The following LANCL2 variants were observed in gnomAD, a reference collection of about 807,000 sequenced individuals.
LANCL2 encodes the protein lanC-like protein 2.
In LANCL2, 33 loss-of-function variants were observed where a neutral mutation model predicts 56.9. The ratio of observed to expected loss-of-function variants is 0.58; its 90% CI spans 0.44 to 0.78. The LOEUF is 0.78. LANCL2 is among the 30% of genes least tolerant of loss of function. LANCL2 has a pLI of 0.00. For missense variants in LANCL2, 562 were observed against 580.2 expected (o/e 0.97, Z 0.32); for synonymous variants, 233 against 228.2 (o/e 1.02, Z -0.19).
In LANCL2 at chr7:55,433,555, T is replaced by A. The variant is rs1267; in HGVS notation, c.*2235T>A. The A allele has an allele frequency of 0.63, 95,707 of 152,198 alleles. 30,666 individuals carry two copies. Among genetic ancestry groups the A allele is most frequent in the Admixed American group, 0.7 (10,750 of 15,302 alleles). The allele number at this position is 152,198 out of a possible 1,614,324, so 9.4% of individuals were successfully genotyped here. ...GATAAGTGTTTGAATCAGATTTCAG[T>A]ACATCTCATTCATTTCTTAGATTTG... On this transcript the variant is annotated 3_prime_UTR_variant, in exon 9 of 9. Coordinates refer to ENST00000254770, the MANE Select transcript of LANCL2 (RefSeq NM_018697.4).
At chr7:55,383,961 C>G (rs1790097453) in intron 1 of LANCL2, among the ~76,000 whole-genome samples, 1 of 152,154 alleles carries the variant, frequency 6.6e-6, no homozygotes, top group East Asian at 1.9e-4. Context: ...AGATCTCTTT[C>G]ACTGTCATGA....
At chr7:55,430,093 G>A (rs1202840416) in intron 8 of LANCL2, among the ~76,000 whole-genome samples, 1 of 152,232 alleles carries the variant, frequency 6.6e-6, no homozygotes, top group Non-Finnish European at 1.5e-5. Flanking sequence ...CATCCCCGCA[G>A]GGCCTGCTGT....
chr7:55,381,195 T>A (rs965292001), intron 1 of LANCL2, among the ~76,000 whole-genome samples: 1 of 152,168 alleles, frequency 6.6e-6, no homozygotes, highest in African/African-American at 2.4e-5. Flanking sequence ...CTGTAGGGTA[T>A]GTTATAGTGC....
rs1218193349 is a variant in LANCL2, at chr7:55,398,535, C to T, written c.435C>T (p.Val145=). The T allele has an allele frequency of 2.5e-6, 4 of 1,614,062 alleles. No individual in the cohort carries two copies. Among genetic ancestry groups the T allele is most frequent in the Non-Finnish European group, 3.4e-6 (4 of 1,180,030 alleles). The change falls in exon 3 of 9, where the codon GTC becomes GTT. Residue 145 remains valine (V), a synonymous_variant. Coordinates refer to ENST00000254770, the MANE Select transcript of LANCL2 (RefSeq NM_018697.4). The stretch of plus-strand genomic sequence containing the variant: ...TTCGGAATCTGAATGGCCGCAGGGT[C>T]ACCTTCCTCTGTGGGGATGCTGGCC... ...RTLRNLNGRR[V]TFLCGDAGPL... is the part of the protein sequence containing the mutation.
chr7:55,413,343 A>G (rs539937129), intron 6 of LANCL2, among the ~76,000 whole-genome samples: 1 of 152,322 alleles, frequency 6.6e-6, no homozygotes, highest in Non-Finnish European at 1.5e-5. Context: ...GATACTTTTA[A>G]AACAAATATA....
At chr7:55,367,602 G>A (rs939153747) in intron 1 of LANCL2, among the ~76,000 whole-genome samples, 1 of 152,176 alleles carries the variant, frequency 6.6e-6, no homozygotes, top group Admixed American at 6.5e-5. Context: ...GGTGGTGGAC[G>A]CCTGTTCAGC....
intron 1 of LANCL2, among the ~76,000 whole-genome samples, chr7:55,367,554 G>A (rs1202835883): frequency 2.0e-5 from 3 of 152,190 alleles, no homozygotes; most frequent in Non-Finnish European, 4.4e-5. Context: ...GCAAAACACC[G>A]TCTCTACAAA....
chr7:55,390,268 A>C (rs1790171574), intron 1 of LANCL2, among the ~76,000 whole-genome samples: 1 of 152,186 alleles, frequency 6.6e-6, no homozygotes, highest in African/African-American at 2.4e-5. Flanking sequence ...CCATAGTCAT[A>C]AGGGGAAACC....
At chr7:55,428,500 C>T (rs1790693277) in intron 8 of LANCL2, 53 bp downstream of exon 8, 2 of 1,452,528 alleles carry the variant, frequency 1.4e-6, no homozygotes, top group Non-Finnish European at 1.9e-6. Flanking sequence ...ATTGGTTCTC[C>T]TGCCCTTGTG....
intron 6 of LANCL2, among the ~76,000 whole-genome samples, chr7:55,416,194 A>G (rs1457062352): frequency 6.6e-6 from 1 of 152,140 alleles, no homozygotes; most frequent in Non-Finnish European, 1.5e-5. Flanking sequence ...TTTTATTTGT[A>G]TCTTCCTGAT....
At chr7:55,408,449 T>C (rs1790435503) in intron 5 of LANCL2, among the ~76,000 whole-genome samples, 1 of 151,932 alleles carries the variant, frequency 6.6e-6, no homozygotes, top group Admixed American at 6.6e-5. Flanking sequence ...GGCGGATCAC[T>C]GAGGTCAGGA....
chr7:55,386,827 G>T (rs767253503), intron 1 of LANCL2, among the ~76,000 whole-genome samples: 4 of 152,186 alleles, frequency 2.6e-5, no homozygotes, highest in Non-Finnish European at 5.9e-5. Flanking sequence ...GAGAAGTTAC[G>T]TGGGTTACTG....
At chr7:55,385,521 A>T (rs1378391650) in intron 1 of LANCL2, among the ~76,000 whole-genome samples, 1 of 152,192 alleles carries the variant, frequency 6.6e-6, no homozygotes. Context: ...AGGATCCGTG[A>T]TGCCCCACAA....
At chr7:55,416,043 A>G (rs1790535546) in intron 6 of LANCL2, among the ~76,000 whole-genome samples, 2 of 152,174 alleles carry the variant, frequency 1.3e-5, no homozygotes, top group Admixed American at 1.3e-4. Flanking sequence ...TAGGAGTAGA[A>G]TTACTGGATC....
intron 3 of LANCL2, 31 bp downstream of exon 3, chr7:55,398,661 C>A (rs764761500): frequency 9.9e-6 from 15 of 1,516,164 alleles, no homozygotes; most frequent in Non-Finnish European, 1.4e-5. Context: ...CATTTTCTCC[C>A]AATTCCCAGT....
intron 1 of LANCL2, among the ~76,000 whole-genome samples, chr7:55,387,179 G>T (rs1219723545): frequency 6.6e-6 from 1 of 152,176 alleles, no homozygotes; most frequent in Non-Finnish European, 1.5e-5. Flanking sequence ...GACACAGGAA[G>T]AGTGTGTTTA....
chr7:55,381,014 C>T (rs925502062), intron 1 of LANCL2, among the ~76,000 whole-genome samples: 2 of 151,828 alleles, frequency 1.3e-5, no homozygotes, highest in African/African-American at 2.4e-5. Flanking sequence ...TGGGATTACA[C>T]GCGTGTGCCA....
At chr7:55,373,809 T>C (rs1789972196) in intron 1 of LANCL2, among the ~76,000 whole-genome samples, 1 of 152,256 alleles carries the variant, frequency 6.6e-6, no homozygotes, top group Non-Finnish European at 1.5e-5. Flanking sequence ...CATTCCAGGC[T>C]ACTGTAAGTC....
intron 1 of LANCL2, among the ~76,000 whole-genome samples, chr7:55,379,459 G>T (rs941008473): frequency 1.3e-5 from 2 of 152,186 alleles, no homozygotes; most frequent in African/African-American, 4.8e-5. Context: ...GGAAAATCAA[G>T]TGTCTCTTCT....
Sources: allele counts gnomAD v4.1 joint callset (sites outside exome capture counted in the v4.1 genomes callset), GRCh38; gene constraint gnomAD v4.1.1; transcripts MANE v1.5; gene names NCBI Gene and HGNC (gene_info 2026-07-23, HGNC 2026-07-21).